The following EPHA4 variants were observed in gnomAD, a reference collection of about 807,000 sequenced individuals.
EPHA4 encodes the protein EPH receptor A4.
In EPHA4, 19 loss-of-function variants were observed where a neutral mutation model predicts 108.3. The ratio of observed to expected loss-of-function variants is 0.18; its 90% CI spans 0.12 to 0.26. EPHA4 has a LOEUF of 0.26. EPHA4 is among the 10% of genes least tolerant of loss of function. The pLI is 1.00. For synonymous variants in EPHA4, 449 were observed against 455.5 expected (o/e 0.99, Z 0.18); for missense variants, 917 against 1,254.0 (o/e 0.73, Z 4.06).
At chr2:221,557,986 T>A (rs1465258575) in intron 3 of EPHA4, among the ~76,000 whole-genome samples, 1 of 152,184 alleles carries the variant, frequency 6.6e-6, no homozygotes, top group Non-Finnish European at 1.5e-5. Flanking sequence ...TTAAAAGTAT[T>A]ACTAGGAAAT....
At chr2:221,530,728 G>C (rs776560409) in intron 3 of EPHA4, among the ~76,000 whole-genome samples, 69 of 152,156 alleles carry the variant, frequency 4.5e-4, no homozygotes, top group Non-Finnish European at 4.4e-4. Context: ...CTGGCTCCAT[G>C]GGGTGTATCT....
At chr2:221,561,238 T>C (rs931328096) in intron 3 of EPHA4, among the ~76,000 whole-genome samples, 6 of 149,760 alleles carry the variant, frequency 4.0e-5, no homozygotes, top group African/African-American at 1.5e-4. Context: ...CTAGACTCCA[T>C]CTCAAAATAA....
Position 221,501,070 on chromosome 2 carries a change from C to T in EPHA4, c.926G>A (p.Cys309Tyr). The part of the protein sequence containing the change: ...SVWEGATSCT[C>Y]DRGFFRADND... ...GTCAGCTCTGAAAAAGCCTCGGTCACAGGTGCACGAGGTGGCTCCTTCCCA... is the reference window on the plus strand; with the variant it reads ...GTCAGCTCTGAAAAAGCCTCGGTCATAGGTGCACGAGGTGGCTCCTTCCCA... The change falls in exon 4 of 18, where the codon TGT becomes TAT. Residue 309 changes from cysteine (C) to tyrosine (Y), a missense_variant. By Grantham distance (194) the Cys-to-Tyr change is radical. Around this residue, in one of 3 missense-constraint regions of EPHA4, gnomAD observed 758 missense variants for 1,076.7 expected, o/e 0.70. Transcript: ENST00000281821. 1 of 1,613,448 alleles carries T rather than the reference C, an allele frequency of 6.2e-7. No homozygotes were observed. The highest frequency in any genetic ancestry group is 8.5e-7 in the Non-Finnish European group (1 of 1,179,648).
chr2:221,480,468 G>C (rs1407744139), intron 5 of EPHA4, among the ~76,000 whole-genome samples: 3 of 152,194 alleles, frequency 2.0e-5, no homozygotes, highest in Admixed American at 6.5e-5. Flanking sequence ...TCCTAATTCA[G>C]AGAGACCAGC....
intron 8 of EPHA4, among the ~76,000 whole-genome samples, chr2:221,452,095 G>A (rs898884906): frequency 1.3e-5 from 2 of 152,228 alleles, no homozygotes; most frequent in African/African-American, 4.8e-5. Context: ...GAGGTCATCA[G>A]AAGGACTGAA....
At chr2:221,488,789 A>G (rs377101636) in intron 4 of EPHA4, among the ~76,000 whole-genome samples, 12 of 152,310 alleles carry the variant, frequency 7.9e-5, no homozygotes, top group Middle Eastern at 3.4e-3. Flanking sequence ...TTCTCTGGGG[A>G]AAAAAACAAG....
At chr2:221,545,814 G>T (rs1474510104) in intron 3 of EPHA4, among the ~76,000 whole-genome samples, 1 of 152,128 alleles carries the variant, frequency 6.6e-6, no homozygotes, top group African/African-American at 2.4e-5. Context: ...TCCCTCTTCT[G>T]TTGACCTGGA....
At chr2:221,498,575 A>C (rs1364959256) in intron 4 of EPHA4, among the ~76,000 whole-genome samples, 2 of 152,076 alleles carry the variant, frequency 1.3e-5, no homozygotes, top group African/African-American at 4.8e-5. Context: ...GGAAAGAAAG[A>C]AAGCAAAAAC....
intron 5 of EPHA4, among the ~76,000 whole-genome samples, chr2:221,474,843 A>G (rs1691609879): frequency 6.6e-6 from 1 of 152,136 alleles, no homozygotes; most frequent in Non-Finnish European, 1.5e-5. Context: ...CATCTCGGAG[A>G]GAAGATAAGG....
intron 4 of EPHA4, among the ~76,000 whole-genome samples, chr2:221,486,777 T>TAA (rs71050337): frequency 8.1e-5 from 12 of 148,838 alleles, no homozygotes; most frequent in East Asian, 2.0e-4. Context: ...ATAATAATAA[T>TAA]TGATGTCTTT....
rs566686250 is a variant in EPHA4, at chr2:221,451,470, A to T, written c.1715+4077T>A. Among the ~76,000 whole-genome samples the T allele has an allele frequency of 5.9e-5, 9 of 152,338 alleles. No individual in the cohort carries two copies. In the East Asian group the frequency reaches 1.7e-3, roughly 29 times the overall value. On this transcript the variant is annotated intron_variant, in intron 8 of 17. Coordinates refer to ENST00000281821, the MANE Select transcript of EPHA4 (RefSeq NM_004438.5). The stretch of plus-strand genomic sequence containing the variant: ...AAAAAAACAATATAGAAAAGTGGTT[A>T]TGTTGTGGAGATCACAAATATATAA...
At chr2:221,492,168 C>A (rs1220106288) in intron 4 of EPHA4, among the ~76,000 whole-genome samples, 2 of 152,122 alleles carry the variant, frequency 1.3e-5, no homozygotes, top group Non-Finnish European at 2.9e-5. Flanking sequence ...CAATGACAAG[C>A]CACTCTTAAT....
In EPHA4 at chr2:221,482,382, C is replaced by T; in HGVS notation, c.1288G>A (p.Val430Ile). The change falls in exon 5 of 18, where the codon GTT (valine) becomes ATT (isoleucine). Residue 430 changes from valine (V) to isoleucine (I), a missense_variant. Val to Ile is a conservative substitution (Grantham distance 29). Around this residue, in one of 3 missense-constraint regions of EPHA4, gnomAD observed 758 missense variants for 1,076.7 expected, o/e 0.70. Coordinates refer to ENST00000281821, the MANE Select transcript of EPHA4 (RefSeq NM_004438.5). ...TGGTTGGTGGTCACAGTGACAGAAA[C>T]TGATTGGTCTGGGTTAGGGTTATAT... Reference protein sequence around the residue: ...SKYNPNPDQSVSVTVTTNQAA... With the variant: ...SKYNPNPDQSISVTVTTNQAA... The T allele has an allele frequency of 6.2e-7, 1 of 1,609,564 alleles. No individual in the cohort carries two copies. Among genetic ancestry groups the T allele is most frequent in the Non-Finnish European group, 8.5e-7 (1 of 1,176,720 alleles).
intron 14 of EPHA4, among the ~76,000 whole-genome samples, chr2:221,433,506 TTTTC>T (rs951452875): frequency 2.2e-4 from 34 of 152,324 alleles, no homozygotes; most frequent in African/African-American, 7.9e-4. Context: ...TTTTATTTTT[TTTTC>T]TTTCTTTCTC....
chr2:221,524,114 G>A (rs977837728), intron 3 of EPHA4, among the ~76,000 whole-genome samples: 7 of 152,180 alleles, frequency 4.6e-5, no homozygotes, highest in Non-Finnish European at 2.9e-5. Context: ...GACTTGCAGA[G>A]GGCAATGCAA....
chr2:221,480,453 T>A (rs1691785465), intron 5 of EPHA4, among the ~76,000 whole-genome samples: 1 of 152,220 alleles, frequency 6.6e-6, no homozygotes, highest in African/African-American at 2.4e-5. Context: ...CTGCATTGCA[T>A]CAGCTCCTAA....
At chr2:221,548,028 C>T (rs1171071222) in intron 3 of EPHA4, among the ~76,000 whole-genome samples, 1 of 152,156 alleles carries the variant, frequency 6.6e-6, no homozygotes, top group East Asian at 1.9e-4. Flanking sequence ...GGATGTTTCT[C>T]CCCTCCAAAT....
At position 221,572,114 on chromosome 2, in the gene EPHA4, G is replaced by GC. The variant is rs748456209; in HGVS notation, c.91+43dup. 7.2e-6 allele frequency: 11 copies of GC among 1,537,046 alleles called. 1 individual carries two copies. In the South Asian group the frequency reaches 1.1e-4, roughly 16 times the overall value. On this transcript the variant is annotated intron_variant, in intron 1 of 17. Coordinates refer to ENST00000281821, the MANE Select transcript of EPHA4 (RefSeq NM_004438.5). ...TCCTGAGGACCCCTCACCCGCGATGGCCCCTCGCTGTCCCCGACCACAGAA... is the reference window on the plus strand; with the variant it reads ...TCCTGAGGACCCCTCACCCGCGATGGCCCCCTCGCTGTCCCCGACCACAGAA...
chr2:221,531,351 A>G (rs142158044), intron 3 of EPHA4, among the ~76,000 whole-genome samples: 65 of 152,240 alleles, frequency 4.3e-4, no homozygotes, highest in African/African-American at 1.4e-3. Context: ...TTCTGCTTGC[A>G]AAAGCCACGC....
Sources: gnomAD v4.1 joint callset for allele counts (sites outside exome capture counted in the v4.1 genomes callset) on GRCh38, gnomAD v4.1.1 for gene constraint, gnomAD v4.1.1 regional missense constraint, MANE v1.5 for transcripts, NCBI Gene and HGNC (gene_info 2026-07-23, HGNC 2026-07-21) for gene names.